The following GABRB1 variants were observed in gnomAD, a reference collection of about 807,000 sequenced individuals.
GABRB1 encodes the protein gamma-aminobutyric acid type A receptor subunit beta1.
In GABRB1, 17 loss-of-function variants were observed where a neutral mutation model predicts 51.6. The ratio of observed to expected loss-of-function variants is 0.33; its 90% confidence interval spans 0.23 to 0.49. The LOEUF is 0.49. Among genes scored for constraint, GABRB1 ranks in the 20% least tolerant of loss-of-function variants. The pLI, the probability that GABRB1 is intolerant of heterozygous loss-of-function variation, is 0.99. For missense variants in GABRB1, 410 were observed against 600.6 expected, an observed-to-expected ratio of 0.68 and a Z score of 3.32; for synonymous variants, 247 against 218.9, an observed-to-expected ratio of 1.13 and a Z score of -1.14.
chr4:47,268,478 A>G (rs1473196417), intron 4 of GABRB1, among the ~76,000 whole-genome samples: 2 of 152,164 alleles, frequency 1.3e-5, no homozygotes, highest in Non-Finnish European at 2.9e-5. Context: ...TTTTTTTCCT[A>G]TGTGCATGTA....
chr4:47,396,782 C>T (rs1254623557), intron 5 of GABRB1, among the ~76,000 whole-genome samples: 1 of 152,116 alleles, frequency 6.6e-6, no homozygotes, highest in African/African-American at 2.4e-5. Flanking sequence ...AAATTATATC[C>T]TCATCAGCAA....
chr4:47,171,959 A>G (rs1302243709), intron 4 of GABRB1, among the ~76,000 whole-genome samples: 1 of 152,122 alleles, frequency 6.6e-6, no homozygotes, highest in Non-Finnish European at 1.5e-5. Context: ...TTTTATGTAT[A>G]TTTTATGTAT....
intron 1 of GABRB1, among the ~76,000 whole-genome samples, chr4:47,001,841 G>T (rs1291850952): frequency 6.6e-6 from 1 of 152,074 alleles, no homozygotes; most frequent in Non-Finnish European, 1.5e-5. Context: ...AATGTTTTGG[G>T]TTCTAGTAAA....
At chr4:47,219,760 C>T (rs1411470557) in intron 4 of GABRB1, among the ~76,000 whole-genome samples, 1 of 151,838 alleles carries the variant, frequency 6.6e-6, no homozygotes, top group Non-Finnish European at 1.5e-5. Flanking sequence ...AATTCAAAAG[C>T]TATCTAAATC....
chr4:47,037,971 G>A (rs900873700), intron 3 of GABRB1, among the ~76,000 whole-genome samples: 1 of 152,126 alleles, frequency 6.6e-6, no homozygotes, highest in Non-Finnish European at 1.5e-5. Flanking sequence ...AATAGCCTAG[G>A]ACTTTGAGTG....
intron 3 of GABRB1, among the ~76,000 whole-genome samples, chr4:47,069,587 A>G (rs1727226121): frequency 6.6e-6 from 1 of 151,460 alleles, no homozygotes; most frequent in African/African-American, 2.4e-5. Flanking sequence ...CAGGAACCAC[A>G]CTCTCTCCAG....
At chr4:47,081,230 G>T (rs188582972) in intron 3 of GABRB1, among the ~76,000 whole-genome samples, 1 of 152,092 alleles carries the variant, frequency 6.6e-6, no homozygotes, top group African/African-American at 2.4e-5. Flanking sequence ...TAATTATGGG[G>T]TATAGCAGTG....
intron 5 of GABRB1, among the ~76,000 whole-genome samples, chr4:47,352,829 G>A (rs1429774622): frequency 2.0e-5 from 3 of 152,216 alleles, no homozygotes; most frequent in South Asian, 2.1e-4. Flanking sequence ...GGTGAGAAGA[G>A]AGTATAGGAT....
intron 5 of GABRB1, among the ~76,000 whole-genome samples, chr4:47,328,918 A>T (rs971116607): frequency 7.8e-5 from 6 of 77,386 alleles, no homozygotes; most frequent in African/African-American, 2.0e-4. Context: ...AAAGTATAAT[A>T]AAAAAAAAAA....
intron 1 of GABRB1, among the ~76,000 whole-genome samples, chr4:47,005,511 A>G (rs1415548653): frequency 2.6e-5 from 4 of 152,002 alleles, no homozygotes; most frequent in Non-Finnish European, 5.9e-5. Context: ...AATGCAGCAA[A>G]CCTGTGGTTT....
intron 4 of GABRB1, among the ~76,000 whole-genome samples, chr4:47,215,394 T>C (rs545651552): frequency 5.4e-4 from 82 of 152,244 alleles, no homozygotes; most frequent in Non-Finnish European, 1.0e-3. Context: ...TATAAAACAG[T>C]AATTCTCAAA....
chr4:47,306,866 C>A (rs901731342), intron 4 of GABRB1, among the ~76,000 whole-genome samples: 2 of 151,978 alleles, frequency 1.3e-5, no homozygotes, highest in Admixed American at 6.6e-5. Flanking sequence ...AGGTGTGTAT[C>A]CATTTAGCTT....
At chr4:47,235,643 T>A (rs970659268) in intron 4 of GABRB1, among the ~76,000 whole-genome samples, 1 of 152,070 alleles carries the variant, frequency 6.6e-6, no homozygotes, top group African/African-American at 2.4e-5. Flanking sequence ...AATTTATATA[T>A]CAGAAACCTG....
At chr4:47,296,436 G>A (rs1446800958) in intron 4 of GABRB1, among the ~76,000 whole-genome samples, 33 of 151,696 alleles carry the variant, frequency 2.2e-4, no homozygotes, top group African/African-American at 5.8e-4. Context: ...AATGGAAAAC[G>A]AAAAAAGGCA....
chr4:47,144,081 T>C (rs923736158), intron 3 of GABRB1, among the ~76,000 whole-genome samples: 1 of 151,972 alleles, frequency 6.6e-6, no homozygotes, highest in Non-Finnish European at 1.5e-5. Context: ...TTCTGTATTG[T>C]GCACAGGACC....
At chr4:47,401,854 T>C (rs927879128) in intron 5 of GABRB1, among the ~76,000 whole-genome samples, 1 of 151,564 alleles carries the variant, frequency 6.6e-6, no homozygotes, top group Non-Finnish European at 1.5e-5. Context: ...TATCTATCTA[T>C]CTATCTATCT....
At chr4:47,118,001 T>C (rs553391397) in intron 3 of GABRB1, among the ~76,000 whole-genome samples, 1 of 152,194 alleles carries the variant, frequency 6.6e-6, no homozygotes, top group East Asian at 1.9e-4. Context: ...TCCACTTCTG[T>C]ATATTCAGCA....
At chr4:47,141,335 C>T (rs1716925647) in intron 3 of GABRB1, among the ~76,000 whole-genome samples, 1 of 151,820 alleles carries the variant, frequency 6.6e-6, no homozygotes, top group Non-Finnish European at 1.5e-5. Context: ...TATGCACATG[C>T]CCAAGCTCTC....
chr4:47,267,811 A>G (rs1479645611), intron 4 of GABRB1, among the ~76,000 whole-genome samples: 1 of 152,130 alleles, frequency 6.6e-6, no homozygotes, highest in African/African-American at 2.4e-5. Context: ...AAATAAAAAG[A>G]GAGAGAAAGG....
Sources: allele counts gnomAD v4.1 joint callset (sites outside exome capture counted in the v4.1 genomes callset), GRCh38; gene constraint gnomAD v4.1.1; transcripts MANE v1.5; gene names NCBI Gene and HGNC (gene_info 2026-07-23, HGNC 2026-07-21).